The following KIAA1958 variants were observed in gnomAD, a reference collection of about 807,000 sequenced individuals.
The protein encoded by KIAA1958 is uncharacterized protein KIAA1958.
KIAA1958 carries 14 observed loss-of-function variants against 47.2 expected under a neutral mutation model. The ratio of observed to expected loss-of-function variants is 0.30; its 90% confidence interval spans 0.20 to 0.46. The LOEUF (loss-of-function observed/expected upper bound fraction) is 0.46, where lower values mean the gene tolerates loss of function less well. Among genes scored for constraint, KIAA1958 ranks in the 20% least tolerant of loss-of-function variants. The pLI, the probability that KIAA1958 is intolerant of heterozygous loss-of-function variation, is 1.00. For synonymous variants in KIAA1958, 354 were observed against 353.3 expected (o/e 1.00, Z -0.02); for missense variants, 803 against 909.2 (o/e 0.88, Z 1.50).
intron 2 of KIAA1958, among the ~76,000 whole-genome samples, chr9:112,606,582 T>C (rs1039113294): frequency 3.9e-5 from 6 of 152,222 alleles, no homozygotes; most frequent in Admixed American, 3.9e-4. Context: ...GAAAATTAAG[T>C]CATTTTTATA....
intron 2 of KIAA1958, among the ~76,000 whole-genome samples, chr9:112,631,950 G>T (rs1329407304): frequency 6.6e-6 from 1 of 152,102 alleles, no homozygotes; most frequent in Non-Finnish European, 1.5e-5. Context: ...ACATCCTTGA[G>T]GATACATTTT....
chr9:112,497,653 A>G (rs1310894864), intron 1 of KIAA1958, among the ~76,000 whole-genome samples: 3 of 152,112 alleles, frequency 2.0e-5, no homozygotes, highest in Non-Finnish European at 4.4e-5. Context: ...TCACTTGTGT[A>G]TGTGCTAGGT....
At chr9:112,646,305 A>G (rs1421937926) in intron 3 of KIAA1958, among the ~76,000 whole-genome samples, 1 of 152,168 alleles carries the variant, frequency 6.6e-6, no homozygotes, top group Non-Finnish European at 1.5e-5. Context: ...AATCACTGAA[A>G]TATCTTGTTT....
At chr9:112,568,057 TGA>T (rs1407945298) in intron 1 of KIAA1958, among the ~76,000 whole-genome samples, 1 of 152,040 alleles carries the variant, frequency 6.6e-6, no homozygotes, top group Non-Finnish European at 1.5e-5. Context: ...TATTTTTATT[TGA>T]GAAACATAAA....
At chr9:112,640,157 C>T (rs1836868976) in intron 2 of KIAA1958, among the ~76,000 whole-genome samples, 1 of 152,166 alleles carries the variant, frequency 6.6e-6, no homozygotes. Context: ...AAGATGTTAT[C>T]TTCCTCAAGA....
intron 2 of KIAA1958, among the ~76,000 whole-genome samples, chr9:112,614,823 G>A (rs932071801): frequency 2.0e-5 from 3 of 152,188 alleles, no homozygotes; most frequent in Non-Finnish European, 2.9e-5. Context: ...GTGTATGTTA[G>A]CATGGTGCTG....
At chr9:112,542,229 T>C (rs1350375575) in intron 1 of KIAA1958, among the ~76,000 whole-genome samples, 1 of 152,158 alleles carries the variant, frequency 6.6e-6, no homozygotes, top group African/African-American at 2.4e-5. Context: ...ATATTGATCT[T>C]TATTAAATTT....
chr9:112,504,794 A>G (rs1434083724), intron 1 of KIAA1958, among the ~76,000 whole-genome samples: 1 of 152,228 alleles, frequency 6.6e-6, no homozygotes. Flanking sequence ...ATGTGTGTCT[A>G]TATGTATATA....
At chr9:112,545,307 T>C (rs1423101949) in intron 1 of KIAA1958, among the ~76,000 whole-genome samples, 5 of 152,170 alleles carry the variant, frequency 3.3e-5, no homozygotes, top group African/African-American at 1.2e-4. Flanking sequence ...ACTGTTAAGT[T>C]CCCCATCAGT....
intron 1 of KIAA1958, among the ~76,000 whole-genome samples, chr9:112,571,471 C>T (rs544632439): frequency 6.6e-6 from 1 of 152,288 alleles, no homozygotes; most frequent in African/African-American, 2.4e-5. Flanking sequence ...CTTCCATTTA[C>T]GTGTCCTTGG....
intron 1 of KIAA1958, among the ~76,000 whole-genome samples, chr9:112,508,656 TG>T (rs1834273698): frequency 6.6e-6 from 1 of 152,216 alleles, no homozygotes; most frequent in Non-Finnish European, 1.5e-5. Flanking sequence ...GCCAGAAGGA[TG>T]GTTAAAATCA....
At chr9:112,577,738 A>T (rs1835671883) in intron 2 of KIAA1958, among the ~76,000 whole-genome samples, 1 of 150,766 alleles carries the variant, frequency 6.6e-6, no homozygotes. Context: ...TGAATATATT[A>T]CTGTCTCATT....
At chr9:112,552,937 G>A (rs748074584) in intron 1 of KIAA1958, among the ~76,000 whole-genome samples, 6 of 152,152 alleles carry the variant, frequency 3.9e-5, no homozygotes, top group South Asian at 2.1e-4. Flanking sequence ...GGGGAAGAGC[G>A]GGGAGCACTG....
intron 1 of KIAA1958, among the ~76,000 whole-genome samples, chr9:112,496,231 C>A (rs907114982): frequency 6.6e-6 from 1 of 152,094 alleles, no homozygotes; most frequent in African/African-American, 2.4e-5. Context: ...TACTGTAGAT[C>A]GATGAGAATG....
At chr9:112,641,782 AG>A (rs1836895642) in intron 2 of KIAA1958, among the ~76,000 whole-genome samples, 1 of 152,008 alleles carries the variant, frequency 6.6e-6, no homozygotes, top group Admixed American at 6.6e-5. Context: ...TCTAGTACTC[AG>A]CTCATCTATT....
chr9:112,656,202 G>A (rs762594452), intron 3 of KIAA1958, among the ~76,000 whole-genome samples: 11 of 151,762 alleles, frequency 7.2e-5, no homozygotes, highest in Admixed American at 2.0e-4. Flanking sequence ...GTGAAACCCC[G>A]TTTCTACTAA....
At chr9:112,656,372 C>CAAAAAA (rs35967386) in intron 3 of KIAA1958, among the ~76,000 whole-genome samples, 2 of 57,824 alleles carry the variant, frequency 3.5e-5, no homozygotes, top group African/African-American at 7.3e-5. Flanking sequence ...GACTCTGTCT[C>CAAAAAA]AAAAAAAAAA....
intron 1 of KIAA1958, among the ~76,000 whole-genome samples, chr9:112,506,867 G>A (rs149434849): frequency 8.1e-4 from 123 of 152,246 alleles, no homozygotes; most frequent in South Asian, 1.9e-3. Context: ...ACCTGAGATT[G>A]TGCTTAACTA....
intron 2 of KIAA1958, among the ~76,000 whole-genome samples, chr9:112,631,534 G>GAAAAAAA (rs57805823): frequency 1.0e-5 from 1 of 98,306 alleles, no homozygotes; most frequent in African/African-American, 3.7e-5. Context: ...CTCTCTCAAA[G>GAAAAAAA]AAAAAAAAAA....
Sources: gnomAD v4.1 joint callset for allele counts (sites outside exome capture counted in the v4.1 genomes callset) on GRCh38, gnomAD v4.1.1 for gene constraint, MANE v1.5 for transcripts, NCBI Gene and HGNC (gene_info 2026-07-23, HGNC 2026-07-21) for gene names.